PCDH15: variants seen among roughly 807,000 people sequenced by gnomAD.
PCDH15 encodes protocadherin-15.
PCDH15 carries 129 observed loss-of-function variants against 178.5 expected under a neutral mutation model. The ratio of observed to expected loss-of-function variants is 0.72; its 90% CI spans 0.63 to 0.84. The LOEUF (loss-of-function observed/expected upper bound fraction) is 0.84, where lower values mean the gene tolerates loss of function less well. Among genes scored for constraint, PCDH15 ranks in the 40% least tolerant of loss-of-function variants. The probability of loss-of-function intolerance (pLI) is 0.00; values close to 1 mark genes in which losing one functional copy is unlikely to be tolerated. For missense variants in PCDH15, 2,230 were observed against 2,099.9 expected (o/e 1.06, Z -1.21); for synonymous variants, 800 against 732.0 (o/e 1.09, Z -1.50).
intron 15 of PCDH15, among the ~76,000 whole-genome samples, chr10:54,103,213 T>A (rs575154288): frequency 8.8e-4 from 134 of 152,348 alleles, no homozygotes; most frequent in African/African-American, 2.9e-3. Context: ...AGAAGTTTTC[T>A]GCTTAAATTA....
intron 2 of PCDH15, among the ~76,000 whole-genome samples, chr10:55,371,604 T>A (rs1322858111): frequency 6.6e-6 from 1 of 151,952 alleles, no homozygotes; most frequent in African/African-American, 2.4e-5. Flanking sequence ...ACTTCCCCCA[T>A]CACTCTCTCT....
intron 3 of PCDH15, among the ~76,000 whole-genome samples, chr10:54,848,382 CAAAAAAAA>C (rs34830502): frequency 2.3e-5 from 2 of 85,182 alleles, no homozygotes; most frequent in Admixed American, 1.1e-4. Flanking sequence ...AACTCCATCT[CAAAAAAAA>C]AAAAAAAAAA....
chr10:55,265,185 T>A (rs1842251791), intron 1 of PCDH15, among the ~76,000 whole-genome samples: 1 of 152,000 alleles, frequency 6.6e-6, no homozygotes, highest in Non-Finnish European at 1.5e-5. Context: ...TTGGGACCAG[T>A]AAGTTCCAGG....
At chr10:54,530,452 C>T (rs975107302) in intron 2 of PCDH15, among the ~76,000 whole-genome samples, 1 of 152,266 alleles carries the variant, frequency 6.6e-6, no homozygotes, top group African/African-American at 2.4e-5. Context: ...CTTTCTCTCT[C>T]ACAAGAGCTT....
chr10:53,910,168 G>A (rs775608892), intron 25 of PCDH15, among the ~76,000 whole-genome samples: 9 of 152,162 alleles, frequency 5.9e-5, no homozygotes, highest in Non-Finnish European at 7.3e-5. Context: ...CTCCCAGCAC[G>A]GTATTTGAGC....
chr10:54,146,611 C>T (rs2043927412), intron 14 of PCDH15, among the ~76,000 whole-genome samples: 1 of 151,640 alleles, frequency 6.6e-6, no homozygotes, highest in African/African-American at 2.4e-5. Flanking sequence ...AAACAAAACA[C>T]TAAACTATGT....
At chr10:55,371,007 C>T (rs995448210) in intron 2 of PCDH15, among the ~76,000 whole-genome samples, 1 of 151,944 alleles carries the variant, frequency 6.6e-6, no homozygotes, top group Non-Finnish European at 1.5e-5. Context: ...TTTTGATTTA[C>T]GAAAATGAAG....
chr10:54,290,930 T>C (rs1041092237), intron 8 of PCDH15, among the ~76,000 whole-genome samples: 3 of 152,160 alleles, frequency 2.0e-5, no homozygotes, highest in African/African-American at 7.2e-5. Context: ...AGACTTAGAC[T>C]CCCACACAAT....
intron 2 of PCDH15, among the ~76,000 whole-genome samples, chr10:54,905,033 A>G (rs1954696586): frequency 6.6e-6 from 1 of 151,896 alleles, no homozygotes; most frequent in Admixed American, 6.6e-5. Context: ...TGAAGCAGAT[A>G]TGACTGTACC....
intron 2 of PCDH15, among the ~76,000 whole-genome samples, chr10:54,550,723 T>C (rs990941758): frequency 6.6e-6 from 1 of 152,224 alleles, no homozygotes; most frequent in Non-Finnish European, 1.5e-5. Context: ...ATCAGCCTTT[T>C]ATTCAAGTAT....
At chr10:54,701,263 A>T (rs957170134) in intron 1 of PCDH15, among the ~76,000 whole-genome samples, 12 of 152,094 alleles carry the variant, frequency 7.9e-5, no homozygotes, top group Middle Eastern at 3.2e-3. Flanking sequence ...ATGTTAAGGA[A>T]ATTTGTTAGC....
intron 3 of PCDH15, among the ~76,000 whole-genome samples, chr10:54,841,641 A>C (rs1953419900): frequency 6.6e-6 from 1 of 151,828 alleles, no homozygotes; most frequent in Admixed American, 6.6e-5. Flanking sequence ...AAAATGCATA[A>C]AAGTTTTAAA....
chr10:54,295,888 T>C (rs1056797785), intron 8 of PCDH15, among the ~76,000 whole-genome samples: 1 of 151,972 alleles, frequency 6.6e-6, no homozygotes, highest in Non-Finnish European at 1.5e-5. Context: ...CTCACGCCTG[T>C]AATCCCAGCA....
At chr10:54,055,401 A>C (rs2093864308) in intron 18 of PCDH15, among the ~76,000 whole-genome samples, 1 of 152,198 alleles carries the variant, frequency 6.6e-6, no homozygotes, top group African/African-American at 2.4e-5. Context: ...GTTTACTGGG[A>C]ATCAGCTTAC....
intron 2 of PCDH15, among the ~76,000 whole-genome samples, chr10:55,141,202 C>T (rs1838346414): frequency 6.6e-6 from 1 of 151,954 alleles, no homozygotes; most frequent in African/African-American, 2.4e-5. Context: ...TGTAGCAGCT[C>T]AACTAATGTT....
At chr10:53,942,301 T>G (rs1419533681) in intron 23 of PCDH15, among the ~76,000 whole-genome samples, 1 of 152,222 alleles carries the variant, frequency 6.6e-6, no homozygotes, top group African/African-American at 2.4e-5. Flanking sequence ...TTCTTTTTGC[T>G]TTCTTTTGAT....
rs185855303 is a variant in PCDH15 at position 54,400,845 on chromosome 10, A to T, written c.158-21903T>A. Among the ~76,000 whole-genome samples the T allele has an allele frequency of 2.6e-5, 4 of 152,106 alleles. No individual in the cohort carries two copies. In the East Asian group the frequency reaches 7.8e-4, roughly 30 times the overall value. ...GAAAAGAGAAAAAAGCCAGAGGGAGAGGAGAGAGAAAGAGAGAGAATGATT... is the reference window on the plus strand; with the variant it reads ...GAAAAGAGAAAAAAGCCAGAGGGAGTGGAGAGAGAAAGAGAGAGAATGATT... On this transcript the variant is annotated intron_variant, in intron 3 of 37. Transcript: ENST00000644397.
At chr10:54,155,508 AT>A (rs1466835089) in intron 13 of PCDH15, among the ~76,000 whole-genome samples, 1 of 152,184 alleles carries the variant, frequency 6.6e-6, no homozygotes, top group Non-Finnish European at 1.5e-5. Context: ...CTACTAAATA[AT>A]AAAATAATGG....
intron 10 of PCDH15, among the ~76,000 whole-genome samples, chr10:54,208,408 G>A (rs2051051663): frequency 1.3e-5 from 2 of 152,008 alleles, no homozygotes; most frequent in African/African-American, 2.4e-5. Flanking sequence ...AATCCACAAT[G>A]TAATGCAATT....
Sources: allele counts gnomAD v4.1 joint callset (sites outside exome capture counted in the v4.1 genomes callset), GRCh38; gene constraint gnomAD v4.1.1; transcripts MANE v1.5; gene names NCBI Gene and HGNC (gene_info 2026-07-23, HGNC 2026-07-21).